LPP: variants seen among roughly 807,000 people sequenced by gnomAD.
LPP encodes lipoma-preferred partner.
LPP carries 38 observed loss-of-function variants against 60.4 expected under a neutral mutation model. The ratio of observed to expected loss-of-function variants is 0.63; its 90% CI spans 0.49 to 0.83. The LOEUF (loss-of-function observed/expected upper bound fraction) is 0.83, where lower values mean the gene tolerates loss of function less well. Ranked by LOEUF, LPP falls within the 40% of genes least tolerant of loss-of-function variation. The pLI is 0.00. For missense variants in LPP, 902 were observed against 783.6 expected, an observed-to-expected ratio of 1.15 and a Z score of -1.80; for synonymous variants, 328 against 290.8, an observed-to-expected ratio of 1.13 and a Z score of -1.30.
chr3:188,414,949 G>A lies in LPP; in HGVS notation c.193+8636G>A, dbSNP rs1023432532. The stretch of plus-strand genomic sequence containing the variant: ...TATACCCGAACAAAGTGGATTGGAT[G>A]TTTTAGAACAAGGAGAAGTCCCTGT... On this transcript the variant is annotated intron_variant, in intron 4 of 11. Coordinates refer to ENST00000617246, the MANE Select transcript of LPP (RefSeq NM_001375462.1). 3.3e-5 allele frequency among the ~76,000 whole-genome samples: 5 copies of A among 152,088 alleles called. 1 individual carries two copies. The South Asian group carries it at 1.0e-3, about 31-fold the overall frequency.
At chr3:188,357,069 A>G (rs962074588) in intron 3 of LPP, among the ~76,000 whole-genome samples, 1 of 152,186 alleles carries the variant, frequency 6.6e-6, no homozygotes, top group African/African-American at 2.4e-5. Flanking sequence ...TTCTCTTCGC[A>G]TGGCCTATGT....
intron 4 of LPP, among the ~76,000 whole-genome samples, chr3:188,447,431 G>T (rs1028118560): frequency 3.9e-5 from 6 of 152,142 alleles, no homozygotes; most frequent in Admixed American, 6.5e-5. Context: ...CCAACATGGT[G>T]AAACCCCGTC....
intron 7 of LPP, among the ~76,000 whole-genome samples, chr3:188,663,134 G>A (rs1854974715): frequency 6.6e-6 from 1 of 152,202 alleles, no homozygotes; most frequent in Non-Finnish European, 1.5e-5. Context: ...GAACTGTGGG[G>A]GCTGGGATTA....
At chr3:188,238,382 T>C (rs1161114726) in intron 2 of LPP, among the ~76,000 whole-genome samples, 2 of 152,190 alleles carry the variant, frequency 1.3e-5, no homozygotes, top group Non-Finnish European at 2.9e-5. Flanking sequence ...GAACTTTTTT[T>C]TTTTTGGTAT....
At chr3:188,521,105 A>G (rs978629254) in intron 5 of LPP, among the ~76,000 whole-genome samples, 4 of 152,194 alleles carry the variant, frequency 2.6e-5, no homozygotes, top group African/African-American at 9.7e-5. Flanking sequence ...CAAGAGTGAA[A>G]AAAAGGCCTA....
At chr3:188,695,264 A>G (rs1863000887) in intron 7 of LPP, among the ~76,000 whole-genome samples, 1 of 152,212 alleles carries the variant, frequency 6.6e-6, no homozygotes, top group South Asian at 2.1e-4. Flanking sequence ...GTGGGAATGG[A>G]TAAAAGATTC....
In LPP at chr3:188,629,389, A is replaced by C. The variant is rs573968919; in HGVS notation, c.1113+19545A>C. ...TCAGCAAAGTTCTAGACAGAAAATC[A>C]GTGCACAAAAATCAGTTGCCTTTCT... On this transcript the variant is annotated intron_variant, in intron 7 of 11. Transcript: ENST00000617246. Among the ~76,000 whole-genome samples, 190 of 152,282 alleles carry C rather than the reference A, an allele frequency of 1.2e-3. 1 individual carries two copies. Among genetic ancestry groups the C allele is most frequent in the Non-Finnish European group, 2.3e-3 (153 of 67,998 alleles).
chr3:188,589,681 G>A (rs901226734), intron 6 of LPP, among the ~76,000 whole-genome samples: 1 of 152,094 alleles, frequency 6.6e-6, no homozygotes, highest in Non-Finnish European at 1.5e-5. Context: ...GAGGCTCAAA[G>A]TAGTTTAATT....
At chr3:188,616,149 C>T (rs188491993) in intron 7 of LPP, among the ~76,000 whole-genome samples, 2 of 152,252 alleles carry the variant, frequency 1.3e-5, no homozygotes, top group African/African-American at 4.8e-5. Context: ...ATCATGAAGC[C>T]GTTGCCCATG....
At chr3:188,835,397 C>T (rs1306661885) in intron 9 of LPP, among the ~76,000 whole-genome samples, 11 of 149,822 alleles carry the variant, frequency 7.3e-5, no homozygotes, top group Non-Finnish European at 1.6e-4. Flanking sequence ...GAGGCTGAGG[C>T]GGGCGGATCA....
intron 2 of LPP, among the ~76,000 whole-genome samples, chr3:188,291,410 C>A (rs780136015): frequency 1.3e-5 from 2 of 151,974 alleles, no homozygotes; most frequent in East Asian, 1.9e-4. Flanking sequence ...CAGGCCCAGG[C>A]GGGTGGATCA....
chr3:188,542,086 T>G (rs1825345556), intron 6 of LPP, among the ~76,000 whole-genome samples: 1 of 152,186 alleles, frequency 6.6e-6, no homozygotes, highest in African/African-American at 2.4e-5. Flanking sequence ...TACACTTGCA[T>G]CTGCAATTCT....
At position 188,837,213 on chromosome 3, in the gene LPP, T is replaced by C. The variant is rs1195725121; in HGVS notation, c.1411-28987T>C. On this transcript the variant is annotated intron_variant, in intron 9 of 11. Transcript: ENST00000617246. ...TGGCCAATATGGTGAAACCTGTCTCTACTAAAAATACAAAAATTAGCCAGG... is the reference window on the plus strand; with the variant it reads ...TGGCCAATATGGTGAAACCTGTCTCCACTAAAAATACAAAAATTAGCCAGG... 3.3e-5 allele frequency among the ~76,000 whole-genome samples: 5 copies of C among 151,882 alleles called. No individual in the cohort carries two copies. In the East Asian group the frequency reaches 9.7e-4, roughly 30 times the overall value.
At chr3:188,633,184 A>T (rs536845793) in intron 7 of LPP, among the ~76,000 whole-genome samples, 13 of 152,306 alleles carry the variant, frequency 8.5e-5, no homozygotes, top group African/African-American at 3.1e-4. Flanking sequence ...AGTACTTGAG[A>T]ACAGGGAACT....
intron 4 of LPP, among the ~76,000 whole-genome samples, chr3:188,467,854 T>G (rs1230010008): frequency 6.6e-6 from 1 of 152,166 alleles, no homozygotes; most frequent in Non-Finnish European, 1.5e-5. Flanking sequence ...TGCCAACACC[T>G]TGATTTTAGT....
intron 7 of LPP, among the ~76,000 whole-genome samples, chr3:188,672,393 T>A (rs1857126569): frequency 6.6e-6 from 1 of 152,214 alleles, no homozygotes. Context: ...CATTATCTTG[T>A]TGGCTCATGT....
chr3:188,355,925 A>G lies in LPP; in HGVS notation c.-10+14206A>G, dbSNP rs556757908. On this transcript the variant is annotated intron_variant, in intron 3 of 11. Coordinates refer to ENST00000617246, the MANE Select transcript of LPP (RefSeq NM_001375462.1). ...GTTGCGTGTCTCCCACACCTCACACAAAGGCGGCTATGTTTTGCTGTACTT... is the reference window on the plus strand; with the variant it reads ...GTTGCGTGTCTCCCACACCTCACACGAAGGCGGCTATGTTTTGCTGTACTT... Among the ~76,000 whole-genome samples the G allele has an allele frequency of 5.2e-4, 79 of 152,306 alleles. 1 individual carries two copies. In the South Asian group the frequency reaches 9.5e-3, roughly 18 times the overall value.
rs543626563 is a variant in LPP at position 188,477,126 on chromosome 3, T to C, written c.194-7466T>C. ...TAAGTAGAATTTGTATCCGGTATCT[T>C]CCTCACACCACTGTATCTTGGAAGT... On this transcript the variant is annotated intron_variant, in intron 4 of 11. Transcript: ENST00000617246. 3.9e-5 allele frequency among the ~76,000 whole-genome samples: 6 copies of C among 152,338 alleles called. No homozygotes were observed. In the South Asian group the frequency reaches 8.3e-4, roughly 21 times the overall value.
chr3:188,679,337 T>A (rs932530194), intron 7 of LPP, among the ~76,000 whole-genome samples: 5 of 152,178 alleles, frequency 3.3e-5, no homozygotes, highest in African/African-American at 1.2e-4. Context: ...GTTTTTTTTT[T>A]ATTTGTTTTT....
Sources: allele counts gnomAD v4.1 joint callset (sites outside exome capture counted in the v4.1 genomes callset), GRCh38; gene constraint gnomAD v4.1.1; transcripts MANE v1.5; gene names NCBI Gene and HGNC (gene_info 2026-07-23, HGNC 2026-07-21).